Variants in CTNNA2 observed in about 807,000 individuals in gnomAD.
The protein encoded by CTNNA2 is catenin alpha-2.
In CTNNA2, 42 loss-of-function variants were observed where a neutral mutation model predicts 101.0. The observed-to-expected ratio is 0.42, with a 90% CI of 0.32 to 0.54. The LOEUF (loss-of-function observed/expected upper bound fraction) is 0.54. CTNNA2 is among the 20% of genes least tolerant of loss of function. The pLI is 0.14. For missense variants in CTNNA2, 871 were observed against 1,223.1 expected, an observed-to-expected ratio of 0.71 and a Z score of 4.29; for synonymous variants, 450 against 456.4, an observed-to-expected ratio of 0.99 and a Z score of 0.18.
Position 79,971,422 on chromosome 2 carries a change from A to G in CTNNA2, c.1056+61625A>G, listed in dbSNP as rs78459143. Among the ~76,000 whole-genome samples the G allele has an allele frequency of 5.2e-3, 794 of 151,630 alleles. 21 individuals are homozygous for G. In the East Asian group the frequency reaches 0.069, roughly 13 times the overall value. ...GTGTTTTTCTCTGAGGCGGGTCTTT[A>G]TCTCCACAGTGCCTCGATAAAGAAT... On this transcript the variant is annotated intron_variant, in intron 7 of 18. Coordinates refer to ENST00000402739, the MANE Select transcript of CTNNA2 (RefSeq NM_001282597.3).
At chr2:80,593,580 C>T (rs572878099) in intron 15 of CTNNA2, among the ~76,000 whole-genome samples, 1 of 152,228 alleles carries the variant, frequency 6.6e-6, no homozygotes, top group African/African-American at 2.4e-5. Context: ...CACTGTTGTG[C>T]AACCATTACC....
intron 12 of CTNNA2, 119 bp downstream of exon 12, chr2:80,556,012 G>T: frequency 1.7e-6 from 1 of 590,806 alleles, no homozygotes; most frequent in Non-Finnish European, 2.7e-6. Flanking sequence ...ACATAATTGT[G>T]GAATGGGTGG....
At chr2:80,567,379 C>G (rs567501317) in intron 12 of CTNNA2, among the ~76,000 whole-genome samples, 19 of 152,264 alleles carry the variant, frequency 1.2e-4, no homozygotes, top group Admixed American at 4.6e-4. Flanking sequence ...TGAATTGGAA[C>G]TTCAGACTCG....
chr2:79,797,238 G>A (rs563519518), intron 3 of CTNNA2, among the ~76,000 whole-genome samples: 40 of 152,190 alleles, frequency 2.6e-4, no homozygotes, highest in African/African-American at 8.7e-4. Flanking sequence ...GTGGAAGGTG[G>A]GTAGGTAGGA....
intron 7 of CTNNA2, among the ~76,000 whole-genome samples, chr2:80,230,471 A>T (rs1477413192): frequency 1.3e-5 from 2 of 151,968 alleles, no homozygotes; most frequent in Non-Finnish European, 2.9e-5. Context: ...CTATGCCCTC[A>T]TGTCTCTGGA....
At chr2:80,581,182 A>C (rs1020033915) in intron 13 of CTNNA2, among the ~76,000 whole-genome samples, 6 of 152,176 alleles carry the variant, frequency 3.9e-5, no homozygotes, top group African/African-American at 1.4e-4. Context: ...GAGGTAAGAT[A>C]GTTTATTTAT....
chr2:79,818,821 T>TTTTATATATATATATATATATG lies in CTNNA2; in HGVS notation c.299-39191_299-39190insTTATATATATATATATATATGT, dbSNP rs1553373413. Among the ~76,000 whole-genome samples, 3 of 74,280 alleles carry TTTTATATATATATATATATATG rather than the reference T, an allele frequency of 4.0e-5. 1 individual carries two copies. Among genetic ancestry groups the TTTTATATATATATATATATATG allele is most frequent in the Non-Finnish European group, 6.9e-5 (3 of 43,308 alleles). The allele number at this position is 74,280 out of a possible 152,430, so 48.7% of individuals were successfully genotyped here. ...ATATACTTCAGGATCCAAAATGCAA[T>TTTTATATATATATATATATATG]TATATATATATATATATATATATAT... On this transcript the variant is annotated intron_variant, in intron 3 of 18. Coordinates refer to ENST00000402739, the MANE Select transcript of CTNNA2 (RefSeq NM_001282597.3).
intron 7 of CTNNA2, among the ~76,000 whole-genome samples, chr2:79,939,706 T>C (rs1236364453): frequency 4.6e-5 from 7 of 152,194 alleles, no homozygotes; most frequent in African/African-American, 1.7e-4. Context: ...TAAACATCAA[T>C]GAATGATCTT....
chr2:79,688,619 TTAAAA>T (rs1684093429), intron 2 of CTNNA2, among the ~76,000 whole-genome samples: 2 of 152,038 alleles, frequency 1.3e-5, no homozygotes, highest in Admixed American at 1.3e-4. Context: ...TAACCAAATC[TTAAAA>T]TATAATAAAC....
At chr2:79,241,882 G>GTCTTT (rs1482040419) in intron 2 of CTNNA2, among the ~76,000 whole-genome samples, 1 of 133,894 alleles carries the variant, frequency 7.5e-6, no homozygotes, top group Non-Finnish European at 1.6e-5. Flanking sequence ...TCACATTTGG[G>GTCTTT]TATTTTCTTT....
chr2:80,594,795 G>A (rs866292421), intron 15 of CTNNA2, among the ~76,000 whole-genome samples: 13 of 151,736 alleles, frequency 8.6e-5, no homozygotes, highest in African/African-American at 3.1e-4. Flanking sequence ...AAAAATCTTA[G>A]TACCTTTGTG....
At chr2:80,024,659 C>T (rs559223252) in intron 7 of CTNNA2, among the ~76,000 whole-genome samples, 2 of 152,146 alleles carry the variant, frequency 1.3e-5, no homozygotes, top group East Asian at 3.9e-4. Context: ...GTGTGGGCCC[C>T]GCAGCAGTGT....
At chr2:79,807,024 G>A (rs1676631917) in intron 3 of CTNNA2, among the ~76,000 whole-genome samples, 1 of 151,966 alleles carries the variant, frequency 6.6e-6, no homozygotes. Flanking sequence ...ACTCAGTGTA[G>A]CTTACCTTTG....
At chr2:80,498,292 G>A (rs1378074583) in intron 9 of CTNNA2, among the ~76,000 whole-genome samples, 4 of 152,180 alleles carry the variant, frequency 2.6e-5, no homozygotes, top group African/African-American at 9.7e-5. Flanking sequence ...CTTTCTAGAT[G>A]AGCCTAGCTG....
intron 4 of CTNNA2, among the ~76,000 whole-genome samples, chr2:79,859,057 C>T (rs1033564514): frequency 6.6e-6 from 1 of 151,880 alleles, no homozygotes; most frequent in African/African-American, 2.4e-5. Flanking sequence ...ATCCCTACTC[C>T]ATACCCTCAG....
chr2:79,480,676 C>T (rs1671099328), intron 4 of CTNNA2, among the ~76,000 whole-genome samples: 1 of 152,130 alleles, frequency 6.6e-6, no homozygotes, highest in Non-Finnish European at 1.5e-5. Flanking sequence ...ATCCATTCTG[C>T]TCACTGTGTG....
chr2:80,281,000 C>T (rs1674338175), intron 7 of CTNNA2, among the ~76,000 whole-genome samples: 1 of 151,974 alleles, frequency 6.6e-6, no homozygotes, highest in South Asian at 2.1e-4. Context: ...TGATTTTCCC[C>T]CTCGGTTTAT....
At chr2:79,472,961 A>G (rs1334063130) in intron 4 of CTNNA2, among the ~76,000 whole-genome samples, 1 of 152,236 alleles carries the variant, frequency 6.6e-6, no homozygotes, top group African/African-American at 2.4e-5. Context: ...CATGAACAGA[A>G]TTCTGCCAAA....
At chr2:80,455,376 G>A (rs1171040048) in intron 9 of CTNNA2, among the ~76,000 whole-genome samples, 1 of 152,184 alleles carries the variant, frequency 6.6e-6, no homozygotes, top group Non-Finnish European at 1.5e-5. Flanking sequence ...TCTATCAGGA[G>A]GGTTGAGAAG....
Sources: gnomAD v4.1 joint callset for allele counts (sites outside exome capture counted in the v4.1 genomes callset) on GRCh38, gnomAD v4.1.1 for gene constraint, MANE v1.5 for transcripts, NCBI Gene and HGNC (gene_info 2026-07-23, HGNC 2026-07-21) for gene names.